The following SLC9A8 variants were observed in gnomAD, a reference collection of about 807,000 sequenced individuals.
The protein encoded by SLC9A8 is sodium/hydrogen exchanger 8.
Under a neutral mutation model 66.6 loss-of-function variants are expected in SLC9A8, and 48 were observed. That is an observed-to-expected ratio of 0.72 (90% CI 0.57 to 0.92). The LOEUF (loss-of-function observed/expected upper bound fraction) is 0.92, where lower values mean the gene tolerates loss of function less well. Among genes scored for constraint, SLC9A8 ranks in the 40% least tolerant of loss-of-function variants. The pLI is 0.00. For missense variants in SLC9A8, 599 were observed against 747.3 expected, an observed-to-expected ratio of 0.80 and a Z score of 2.31; for synonymous variants, 274 against 282.6, an observed-to-expected ratio of 0.97 and a Z score of 0.31.
At position 49,884,246 on chromosome 20, in the gene SLC9A8, C is replaced by CACACACACG. The variant is rs1568883515; in HGVS notation, c.1491+188_1491+189insGACACACAC. ...CACACACACACACACACACACGACACACACACACACACGACACACACACAC... is the reference window on the plus strand; with the variant it reads ...CACACACACACACACACACACGACACACACACACGACACACACACACGACACACACACAC... On this transcript the variant is annotated intron_variant, in intron 14 of 15. Coordinates refer to ENST00000361573, the MANE Select transcript of SLC9A8 (RefSeq NM_015266.3). 1,376 of 355,680 alleles carry CACACACACG rather than the reference C, an allele frequency of 3.9e-3. 52 individuals are homozygous for CACACACACG. The highest frequency in any genetic ancestry group is 5.0e-3 in the Non-Finnish European group (969 of 192,804). The allele number at this position is 355,680 out of a possible 1,614,324, so 22.0% of individuals were successfully genotyped here.
intron 3 of SLC9A8, chr20:49,829,691 CAA>C (rs2087091788): frequency 6.3e-6 from 3 of 478,060 alleles, no homozygotes; most frequent in Non-Finnish European, 1.2e-5. Flanking sequence ...TGGATGCCGC[CAA>C]AGAGTTTCTC....
chr20:49,823,016 A>ATTGAGTGTTTTTT (rs769639330), intron 2 of SLC9A8, 45 bp from the exon 3 acceptor site: 4 of 1,495,338 alleles, frequency 2.7e-6, no homozygotes, highest in Non-Finnish European at 3.7e-6. Context: ...ATCATTCAGA[A>ATTGAGTGTTTTTT]TTGAGTGTTT....
chr20:49,878,159 A>G (rs2089497894), intron 12 of SLC9A8, 96 bp downstream of exon 12: 1 of 689,216 alleles, frequency 1.5e-6, no homozygotes, highest in Non-Finnish European at 2.3e-6. Flanking sequence ...TAACTGTTCA[A>G]AGTCAACAGC....
At chr20:49,843,720 A>G (rs1367108028) in intron 4 of SLC9A8, among the ~76,000 whole-genome samples, 4 of 152,158 alleles carry the variant, frequency 2.6e-5, no homozygotes, top group Admixed American at 2.0e-4. Flanking sequence ...TTCTAGAAAC[A>G]CCTTTCGTAG....
chr20:49,833,639 G>C (rs1204135209), intron 3 of SLC9A8, among the ~76,000 whole-genome samples: 1 of 152,172 alleles, frequency 6.6e-6, no homozygotes, highest in African/African-American at 2.4e-5. Flanking sequence ...TCTTTAGCAT[G>C]ATGAGATGGT....
intron 14 of SLC9A8, 151 bp downstream of exon 14, chr20:49,884,217 C>CACACACACACACG: frequency 2.9e-6 from 1 of 344,860 alleles, no homozygotes; most frequent in East Asian, 4.9e-5. Context: ...CACACACACA[C>CACACACACACACG]ACACACACAC....
At chr20:49,865,383 G>T (rs1568856918) in intron 10 of SLC9A8, among the ~76,000 whole-genome samples, 3 of 152,142 alleles carry the variant, frequency 2.0e-5, no homozygotes, top group African/African-American at 7.2e-5. Flanking sequence ...AATGTTGGGC[G>T]TTTATTGGAC....
intron 3 of SLC9A8, among the ~76,000 whole-genome samples, chr20:49,823,972 A>T (rs1012954285): frequency 1.3e-5 from 2 of 152,176 alleles, no homozygotes. Context: ...TGGAGTAGTA[A>T]TTCTTTCACA....
At chr20:49,828,623 G>A (rs1333729227) in intron 3 of SLC9A8, among the ~76,000 whole-genome samples, 1 of 150,516 alleles carries the variant, frequency 6.6e-6, no homozygotes, top group Non-Finnish European at 1.5e-5. Context: ...GGATCACCTT[G>A]AGGTCAGGAG....
chr20:49,828,572 T>C (rs2087020127), intron 3 of SLC9A8, among the ~76,000 whole-genome samples: 1 of 147,570 alleles, frequency 6.8e-6, no homozygotes, highest in Admixed American at 6.8e-5. Context: ...GCACAGTGGC[T>C]CATGCCTGTA....
intron 3 of SLC9A8, among the ~76,000 whole-genome samples, chr20:49,838,296 G>A (rs909728191): frequency 6.6e-6 from 1 of 152,136 alleles, no homozygotes; most frequent in Non-Finnish European, 1.5e-5. Flanking sequence ...ACATGTAAAA[G>A]CTCCTTAAAA....
chr20:49,850,940 C>G, intron 7 of SLC9A8, 96 bp downstream of exon 7: 2 of 766,470 alleles, frequency 2.6e-6, no homozygotes, highest in East Asian at 2.7e-5. Context: ...GTTCTATTCT[C>G]TCTCTGTGTA....
chr20:49,839,656 T>G, intron 4 of SLC9A8, 57 bp downstream of exon 4: 7 of 1,090,882 alleles, frequency 6.4e-6, no homozygotes, highest in Non-Finnish European at 8.2e-6. Flanking sequence ...TATGCTGGCT[T>G]TTTTGTAATT....
At chr20:49,859,497 T>A (rs1205249611) in intron 8 of SLC9A8, among the ~76,000 whole-genome samples, 1 of 145,482 alleles carries the variant, frequency 6.9e-6, no homozygotes, top group Non-Finnish European at 1.5e-5. Context: ...TTTTTTTTTT[T>A]AGTACAGAAG....
At chr20:49,845,425 G>A (rs777523449) in intron 5 of SLC9A8, among the ~76,000 whole-genome samples, 6 of 152,222 alleles carry the variant, frequency 3.9e-5, no homozygotes, top group African/African-American at 9.7e-5. Context: ...GCATTGACTC[G>A]TCTTCCTGGA....
At chr20:49,884,122 G>A (rs1413464395) in intron 14 of SLC9A8, 56 bp downstream of exon 14, 20 of 1,515,942 alleles carry the variant, frequency 1.3e-5, no homozygotes, top group Non-Finnish European at 1.6e-5. Context: ...TACGCAGCTG[G>A]TGGTCCCCAC....
At chr20:49,844,507 C>T (rs937534917) in intron 4 of SLC9A8, among the ~76,000 whole-genome samples, 7 of 151,564 alleles carry the variant, frequency 4.6e-5, no homozygotes, top group African/African-American at 1.7e-4. Flanking sequence ...GTCTTGGCCA[C>T]GCATGGTGGC....
chr20:49,862,450 C>T (rs1199786577), intron 8 of SLC9A8, among the ~76,000 whole-genome samples: 2 of 152,022 alleles, frequency 1.3e-5, no homozygotes, highest in African/African-American at 2.4e-5. Context: ...TTAGTAGAGA[C>T]GGGGTTTCAC....
chr20:49,884,127 C>A, intron 14 of SLC9A8, 61 bp downstream of exon 14: 3 of 1,480,158 alleles, frequency 2.0e-6, no homozygotes, highest in South Asian at 1.1e-5. Context: ...AGCTGGTGGT[C>A]CCCACTGTCA....
Sources: allele counts gnomAD v4.1 joint callset (sites outside exome capture counted in the v4.1 genomes callset), GRCh38; gene constraint gnomAD v4.1.1; transcripts MANE v1.5; gene names NCBI Gene and HGNC (gene_info 2026-07-23, HGNC 2026-07-21).